The following ABHD6 variants were observed in gnomAD, a reference collection of about 807,000 sequenced individuals.
ABHD6 encodes abhydrolase domain containing 6, acylglycerol lipase.
In ABHD6, 33 loss-of-function variants were observed where a neutral mutation model predicts 38.8. The ratio of observed to expected loss-of-function variants is 0.85; its 90% CI spans 0.64 to 1.14. The LOEUF (loss-of-function observed/expected upper bound fraction) is 1.14, where lower values mean the gene tolerates loss of function less well. Among genes scored for constraint, ABHD6 ranks in the 50% most tolerant of loss-of-function variants. The pLI is 0.00. For synonymous variants in ABHD6, 147 were observed against 161.6 expected (o/e 0.91, Z 0.69); for missense variants, 380 against 422.6 (o/e 0.90, Z 0.88).
intron 1 of ABHD6, among the ~76,000 whole-genome samples, chr3:58,240,265 A>C (rs2097421872): frequency 6.6e-6 from 1 of 152,046 alleles, no homozygotes; most frequent in Admixed American, 6.6e-5. Flanking sequence ...TTTAGAGATG[A>C]AGTCTCACTG....
Position 58,270,977 on chromosome 3 carries a change from G to A in ABHD6, c.436G>A (p.Gly146Ser), listed in dbSNP as rs1464693230. 6.2e-7 allele frequency: 1 copy of A among 1,611,924 alleles called. No homozygotes were observed. Among genetic ancestry groups the A allele is most frequent in the African/African-American group, 1.3e-5 (1 of 74,732 alleles). Residue 146 changes from glycine (G) to serine (S), a missense_variant, in exon 6 of 10, where the codon GGC becomes AGC. Gly to Ser is a moderately conservative substitution (Grantham distance 56). Transcript: ENST00000478253. ...KLNKKPFHLVGTSMGGQVAGV... is the reference protein window; with the variant it reads ...KLNKKPFHLVSTSMGGQVAGV... ...GAACAAAAAACCTTTCCACCTGGTA[G>A]GCACCTCCATGGGTGGCCAGGTGGC...
rs1209315985 is a variant in ABHD6, at chr3:58,263,586, G to T, written c.120-3603G>T. 3.3e-5 allele frequency among the ~76,000 whole-genome samples: 5 copies of T among 152,112 alleles called. No homozygotes were observed. The highest frequency in any genetic ancestry group is 1.2e-4 in the African/African-American group (5 of 41,416). The stretch of plus-strand genomic sequence containing the variant: ...TCCAACCCTGTGTCTCTTCATTCTG[G>T]TTCAAGTCATACTTGGCTCTCCCCG... On this transcript the variant is annotated intron_variant, in intron 3 of 9. Coordinates refer to ENST00000478253, the MANE Select transcript of ABHD6 (RefSeq NM_001320126.2). The surrounding 1 kb of genome is among the most constrained non-coding windows in gnomAD (Gnocchi z 4.9).
At chr3:58,271,117 A>G in intron 6 of ABHD6, 53 bp downstream of exon 6, 1 of 1,535,678 alleles carries the variant, frequency 6.5e-7, no homozygotes, top group Admixed American at 2.3e-5. Flanking sequence ...CTGAAGAAAC[A>G]AGTAGCTAGT....
chr3:58,238,443 C>G lies in ABHD6; in HGVS notation c.-91+527C>G, dbSNP rs143610665. 1 of 152,654 alleles carries G rather than the reference C, an allele frequency of 6.6e-6. No homozygotes were observed. The allele number at this position is 152,654 out of a possible 1,614,324, so 9.5% of individuals were successfully genotyped here. A position where few individuals can be genotyped will look rare whatever the true frequency, so the allele number is the denominator to read the frequency against. On this transcript the variant is annotated intron_variant, in intron 1 of 9. Transcript: ENST00000478253. This position sits in a 1 kb window ranked among gnomAD's most constrained non-coding sequence, Gnocchi z 6.9. ...CAGCTTCCCTTTCCCCAGCCTGCCC[C>G]GGCTCCCGTGCCCTTGCGCCCCTTC...
At chr3:58,286,419 G>A (rs2097457032) in intron 9 of ABHD6, among the ~76,000 whole-genome samples, 2 of 152,096 alleles carry the variant, frequency 1.3e-5, no homozygotes, top group Non-Finnish European at 2.9e-5. Context: ...GCCTCCCAAA[G>A]TGCTGGGATT....
At chr3:58,277,677 T>C (rs970715129) in intron 7 of ABHD6, among the ~76,000 whole-genome samples, 1 of 152,336 alleles carries the variant, frequency 6.6e-6, no homozygotes, top group East Asian at 1.9e-4. Flanking sequence ...AGGGCATCCT[T>C]GTCTTGTTCC....
chr3:58,258,641 C>CT (rs113620714), intron 3 of ABHD6: 20,354 of 187,636 alleles, frequency 0.11, 1,432 homozygotes, highest in African/African-American at 0.2. Context: ...CCATTGAGAT[C>CT]TAACTGGGAC....
At chr3:58,244,119 A>G (rs1014880196) in intron 1 of ABHD6, among the ~76,000 whole-genome samples, 2 of 152,204 alleles carry the variant, frequency 1.3e-5, no homozygotes, top group African/African-American at 4.8e-5. Flanking sequence ...TGGTCGTCAG[A>G]TGTTTTGCAA....
intron 3 of ABHD6, among the ~76,000 whole-genome samples, chr3:58,264,405 A>G (rs879926416): frequency 0.045 from 4,806 of 107,884 alleles, 163 homozygotes; most frequent in Non-Finnish European, 0.052. Flanking sequence ...ACACACACAC[A>G]CACACACACA....
At chr3:58,281,284 A>T (rs1353746600) in intron 7 of ABHD6, among the ~76,000 whole-genome samples, 3 of 152,110 alleles carry the variant, frequency 2.0e-5, no homozygotes, top group Non-Finnish European at 4.4e-5. Context: ...TTGTTTACCT[A>T]CTTAAGCCTC....
chr3:58,290,005 CT>C (rs1244252698), intron 9 of ABHD6, among the ~76,000 whole-genome samples: 1 of 142,068 alleles, frequency 7.0e-6, no homozygotes, highest in African/African-American at 2.7e-5. Context: ...ACCCCCCCAC[CT>C]CCCTCCCGGA....
intron 9 of ABHD6, among the ~76,000 whole-genome samples, chr3:58,286,870 G>GTATATATA (rs1315175509): frequency 6.7e-5 from 5 of 75,042 alleles, no homozygotes; most frequent in African/African-American, 2.2e-4. Flanking sequence ...ATATATATAT[G>GTATATATA]TATATGTATA....
chr3:58,285,514 C>T lies in ABHD6; in HGVS notation c.837+61C>T, dbSNP rs2097456277. On this transcript the variant is annotated intron_variant, in intron 9 of 9. Coordinates refer to ENST00000478253, the MANE Select transcript of ABHD6 (RefSeq NM_001320126.2). This position sits in a 1 kb window ranked among gnomAD's most constrained non-coding sequence, Gnocchi z 4.9. ...CACCAGGGCCTCTGAGGAAAAACGT[C>T]CTTGAGGAAGAACAAGTGGTTATTT... is the stretch of plus-strand genomic sequence containing the variant. 1.4e-6 allele frequency: 2 copies of T among 1,412,190 alleles called. No homozygotes were observed. Among genetic ancestry groups the T allele is most frequent in the Non-Finnish European group, 2.0e-6 (2 of 997,280 alleles). 87.5% of individuals were successfully genotyped at this position (1,412,190 alleles called of 1,614,324 possible). A position where few individuals can be genotyped will look rare whatever the true frequency, so the allele number is the denominator to read the frequency against.
At chr3:58,249,695 A>T (rs2097428703) in intron 1 of ABHD6, among the ~76,000 whole-genome samples, 183 bp from the exon 2 acceptor site, 1 of 152,120 alleles carries the variant, frequency 6.6e-6, no homozygotes, top group Non-Finnish European at 1.5e-5. Flanking sequence ...TTATTGCCTC[A>T]CTGGGGGAGG....
chr3:58,258,493 C>T (rs72886146), intron 3 of ABHD6: 1 of 327,770 alleles, frequency 3.1e-6, no homozygotes, highest in African/African-American at 2.2e-5. Flanking sequence ...AAGTGACTTT[C>T]TCATGATGTG....
At chr3:58,282,271 A>G (rs1448515791) in intron 7 of ABHD6, among the ~76,000 whole-genome samples, 2 of 152,236 alleles carry the variant, frequency 1.3e-5, no homozygotes, top group East Asian at 1.9e-4. Flanking sequence ...GGAGAGCACA[A>G]ATGGAACAGA....
rs1425449332 is a variant in ABHD6 at position 58,294,599 on chromosome 3, C to T, written c.*834C>T. 1 of 152,552 alleles carries T rather than the reference C, an allele frequency of 6.6e-6. No homozygotes were observed. Among genetic ancestry groups the T allele is most frequent in the Non-Finnish European group, 1.5e-5 (1 of 68,036 alleles). The allele number at this position is 152,552 out of a possible 1,614,324, so 9.4% of individuals were successfully genotyped here. A position where few individuals can be genotyped will look rare whatever the true frequency, so the allele number is the denominator to read the frequency against. On this transcript the variant is annotated 3_prime_UTR_variant, in exon 10 of 10. Coordinates refer to ENST00000478253, the MANE Select transcript of ABHD6 (RefSeq NM_001320126.2). ...TTCTATTTCAATGTGCTACTAAGAA[C>T]CCTTGGATGTAACATACTAGTTAGT...
At chr3:58,290,869 G>A (rs1312880421) in intron 9 of ABHD6, among the ~76,000 whole-genome samples, 2 of 150,352 alleles carry the variant, frequency 1.3e-5, no homozygotes, top group African/African-American at 4.9e-5. Context: ...ATGGCGGCCG[G>A]GCAGAGACGC....
chr3:58,289,050 G>A (rs960054514), intron 9 of ABHD6, among the ~76,000 whole-genome samples: 6 of 151,792 alleles, frequency 4.0e-5, no homozygotes, highest in Admixed American at 3.9e-4. Context: ...GTTGGGCAGG[G>A]GGGTTGTTTG....
Sources: allele counts gnomAD v4.1 joint callset (sites outside exome capture counted in the v4.1 genomes callset), GRCh38; gene constraint gnomAD v4.1.1; non-coding constraint Gnocchi (gnomAD v3.1); transcripts MANE v1.5; gene names NCBI Gene and HGNC (gene_info 2026-07-23, HGNC 2026-07-21).